Variants in RBFOX1 observed in about 807,000 individuals in gnomAD.
RBFOX1 encodes RNA binding fox-1 homolog 1, also known as RNA binding protein fox-1 homolog 1.
Under a neutral mutation model 57.7 loss-of-function variants are expected in RBFOX1, and 8 were observed. That is an observed-to-expected ratio of 0.14 (90% confidence interval 0.08 to 0.25). The LOEUF (loss-of-function observed/expected upper bound fraction) is 0.25, where lower values mean the gene tolerates loss of function less well. RBFOX1 is among the 10% of genes least tolerant of loss of function. The probability of loss-of-function intolerance (pLI) is 1.00; values close to 1 mark genes in which losing one functional copy is unlikely to be tolerated. For missense variants in RBFOX1, 611 were observed against 548.5 expected (o/e 1.11, Z -1.14); for synonymous variants, 326 against 222.4 (o/e 1.47, Z -4.15).
intron 1 of RBFOX1, among the ~76,000 whole-genome samples, chr16:6,031,036 C>A (rs535651427): frequency 2.0e-5 from 3 of 152,176 alleles, no homozygotes; most frequent in African/African-American, 7.2e-5. Flanking sequence ...ATAGAATTAC[C>A]CGTTATCATA....
chr16:5,407,721 G>A (rs1208513336), intron 1 of RBFOX1, among the ~76,000 whole-genome samples: 1 of 152,138 alleles, frequency 6.6e-6, no homozygotes, highest in Non-Finnish European at 1.5e-5. Context: ...GCTAATTTTT[G>A]TGTTTTCAGT....
At chr16:6,741,872 A>G (rs938566451) in intron 3 of RBFOX1, among the ~76,000 whole-genome samples, 17 of 152,322 alleles carry the variant, frequency 1.1e-4, no homozygotes, top group African/African-American at 4.1e-4. Context: ...AAGCATACAA[A>G]GTTTTAGTTA....
At chr16:7,703,009 C>A (rs1335755520) in intron 14 of RBFOX1, among the ~76,000 whole-genome samples, 1 of 152,180 alleles carries the variant, frequency 6.6e-6, no homozygotes, top group Admixed American at 6.5e-5. Flanking sequence ...GGGTAGACAG[C>A]AGAACTGCTA....
At chr16:5,741,884 G>C (rs1221528903) in intron 3 of RBFOX1, among the ~76,000 whole-genome samples, 1 of 152,228 alleles carries the variant, frequency 6.6e-6, no homozygotes, top group Non-Finnish European at 1.5e-5. Context: ...GCCGTATTAT[G>C]AAGCCAGACT....
chr16:7,386,474 C>T (rs766019381), intron 4 of RBFOX1, among the ~76,000 whole-genome samples: 118 of 146,744 alleles, frequency 8.0e-4, no homozygotes, highest in Non-Finnish European at 7.9e-4. Context: ...GAACATGTGG[C>T]GTTTGATTTT....
At chr16:5,802,624 C>T (rs562633031) in intron 3 of RBFOX1, among the ~76,000 whole-genome samples, 1 of 152,178 alleles carries the variant, frequency 6.6e-6, no homozygotes, top group Non-Finnish European at 1.5e-5. Flanking sequence ...ATGTGGCAAG[C>T]AGATGCTAAC....
intron 4 of RBFOX1, among the ~76,000 whole-genome samples, chr16:7,230,372 C>T (rs967909229): frequency 3.9e-5 from 6 of 152,074 alleles, no homozygotes; most frequent in African/African-American, 1.4e-4. Context: ...GCAGTCATGC[C>T]TCAGTTTTGG....
At chr16:7,208,087 G>A (rs74935601) in intron 4 of RBFOX1, among the ~76,000 whole-genome samples, 1 of 152,204 alleles carries the variant, frequency 6.6e-6, no homozygotes, top group Non-Finnish European at 1.5e-5. Context: ...GGAAGCAAGA[G>A]CAACTTTGGT....
At chr16:6,693,948 A>T (rs1181454262) in intron 3 of RBFOX1, among the ~76,000 whole-genome samples, 4 of 152,224 alleles carry the variant, frequency 2.6e-5, no homozygotes, top group African/African-American at 9.6e-5. Flanking sequence ...AGACACTATT[A>T]TTTCTCCTAT....
At chr16:6,851,659 C>T (rs1283109129) in intron 3 of RBFOX1, among the ~76,000 whole-genome samples, 1 of 152,084 alleles carries the variant, frequency 6.6e-6, no homozygotes, top group African/African-American at 2.4e-5. Flanking sequence ...AAGAACAAGG[C>T]TCTAGGGTCG....
chr16:7,024,908 T>A (rs189258715), intron 3 of RBFOX1, among the ~76,000 whole-genome samples: 24 of 152,206 alleles, frequency 1.6e-4, no homozygotes, highest in African/African-American at 5.8e-4. Context: ...GCTGCACTCC[T>A]CACTTTATAG....
chr16:7,354,127 C>T (rs560758601), intron 4 of RBFOX1, among the ~76,000 whole-genome samples: 14 of 151,954 alleles, frequency 9.2e-5, no homozygotes, highest in Admixed American at 3.9e-4. Flanking sequence ...TCTGCCACCA[C>T]GCCCAGCTAA....
At chr16:6,649,590 C>A (rs917088175) in intron 2 of RBFOX1, among the ~76,000 whole-genome samples, 4 of 152,144 alleles carry the variant, frequency 2.6e-5, no homozygotes, top group East Asian at 1.9e-4. Context: ...CGCTTAGCTC[C>A]CACTTATGAA....
At chr16:6,012,936 A>G (rs2152340112) in intron 4 of RBFOX1, among the ~76,000 whole-genome samples, 1 of 152,308 alleles carries the variant, frequency 6.6e-6, no homozygotes, top group Admixed American at 6.5e-5. Context: ...GTGACTGGGA[A>G]CCTATGACAG....
chr16:6,870,129 C>A (rs17141595), intron 3 of RBFOX1, among the ~76,000 whole-genome samples: 1 of 152,020 alleles, frequency 6.6e-6, no homozygotes, highest in African/African-American at 2.4e-5. Flanking sequence ...GCATAAGGCT[C>A]TTGGACCACC....
chr16:6,235,258 C>T (rs1237809387), intron 1 of RBFOX1, among the ~76,000 whole-genome samples: 1 of 152,180 alleles, frequency 6.6e-6, no homozygotes, highest in African/African-American at 2.4e-5. Flanking sequence ...TCTCGGAAGG[C>T]CTAACTCCCC....
At chr16:6,998,435 TG>T (rs2092455908) in intron 3 of RBFOX1, among the ~76,000 whole-genome samples, 1 of 152,064 alleles carries the variant, frequency 6.6e-6, no homozygotes, top group Non-Finnish European at 1.5e-5. Flanking sequence ...CAGAATGGTT[TG>T]GGGATGGGGG....
chr16:6,194,582 T>G (rs1460542429), intron 1 of RBFOX1, among the ~76,000 whole-genome samples: 1 of 152,108 alleles, frequency 6.6e-6, no homozygotes, highest in Non-Finnish European at 1.5e-5. Flanking sequence ...CCTTCTACTA[T>G]CTTGGCCTGA....
At chr16:6,543,577 C>T (rs773346200) in intron 2 of RBFOX1, among the ~76,000 whole-genome samples, 2 of 152,130 alleles carry the variant, frequency 1.3e-5, no homozygotes, top group Non-Finnish European at 2.9e-5. Flanking sequence ...GCCTTTACTG[C>T]TGCTTTGGGT....
Sources: gnomAD v4.1 joint callset for allele counts (sites outside exome capture counted in the v4.1 genomes callset) on GRCh38, gnomAD v4.1.1 for gene constraint, MANE v1.5 for transcripts, NCBI Gene and HGNC (gene_info 2026-07-23, HGNC 2026-07-21) for gene names.